Variants in DDAH1 observed in about 807,000 individuals in gnomAD.
DDAH1 encodes N(G),N(G)-dimethylarginine dimethylaminohydrolase 1.
Under a neutral mutation model 28.8 loss-of-function variants are expected in DDAH1, and 19 were observed. That is an observed-to-expected ratio of 0.66 (90% CI 0.46 to 0.97). The LOEUF is 0.97. DDAH1 is among the 50% of genes least tolerant of loss of function. DDAH1 has a pLI of 0.00. For synonymous variants in DDAH1, 153 were observed against 154.4 expected, an observed-to-expected ratio of 0.99 and a Z score of 0.07; for missense variants, 326 against 375.9, an observed-to-expected ratio of 0.87 and a Z score of 1.10.
intron 1 of DDAH1, among the ~76,000 whole-genome samples, chr1:85,402,500 A>G (rs1652160880): frequency 6.6e-6 from 1 of 152,206 alleles, no homozygotes; most frequent in African/African-American, 2.4e-5. Context: ...CTCAGATTTG[A>G]TATTTTCTTC....
chr1:85,457,669 A>C (rs1366817566), intron 1 of DDAH1, among the ~76,000 whole-genome samples: 2 of 152,186 alleles, frequency 1.3e-5, no homozygotes, highest in Admixed American at 6.5e-5. Context: ...AATATTTCTT[A>C]AGCAAAATAA....
intron 1 of DDAH1, among the ~76,000 whole-genome samples, chr1:85,420,021 A>C (rs971615040): frequency 6.6e-6 from 1 of 152,158 alleles, no homozygotes. Context: ...GCAAACTATC[A>C]ACCCTCTGGA....
chr1:85,557,372 A>G (rs141044807), intron 1 of DDAH1, among the ~76,000 whole-genome samples: 2,434 of 152,346 alleles, frequency 0.016, 32 homozygotes, highest in Admixed American at 0.034. Flanking sequence ...CATCAATTAA[A>G]TAATTGAATG....
intron 1 of DDAH1, among the ~76,000 whole-genome samples, chr1:85,566,491 C>CAA (rs200302503): frequency 0.026 from 2,187 of 84,658 alleles, 56 homozygotes; most frequent in African/African-American, 0.08. Flanking sequence ...GACCCCATCT[C>CAA]AAAAAAAAAA....
At chr1:85,510,237 T>A (rs1265070620) in intron 1 of DDAH1, among the ~76,000 whole-genome samples, 1 of 152,112 alleles carries the variant, frequency 6.6e-6, no homozygotes, top group Non-Finnish European at 1.5e-5. Flanking sequence ...GAATTTCACA[T>A]CCAGTCAAAC....
chr1:85,396,008 C>T (rs765666230), intron 1 of DDAH1, among the ~76,000 whole-genome samples: 2 of 152,114 alleles, frequency 1.3e-5, no homozygotes, highest in Non-Finnish European at 2.9e-5. Context: ...TCATTAATTA[C>T]TTAGGAAAAC....
At chr1:85,567,712 A>C (rs1014123181) in intron 1 of DDAH1, among the ~76,000 whole-genome samples, 9 of 152,244 alleles carry the variant, frequency 5.9e-5, no homozygotes, top group Non-Finnish European at 4.4e-5. Flanking sequence ...CTAACAACAG[A>C]AGTTCAAAAT....
chr1:85,516,971 C>T (rs1300886086), intron 1 of DDAH1, among the ~76,000 whole-genome samples: 1 of 152,000 alleles, frequency 6.6e-6, no homozygotes, highest in African/African-American at 2.4e-5. Flanking sequence ...GCCAAACAAG[C>T]CTGTGTTTGC....
intron 1 of DDAH1, among the ~76,000 whole-genome samples, chr1:85,361,565 T>C (rs754254647): frequency 1.3e-5 from 2 of 152,220 alleles, no homozygotes; most frequent in Non-Finnish European, 2.9e-5. Flanking sequence ...AACAACCTAC[T>C]TAATTTAAGC....
At chr1:85,530,934 T>C (rs1320094749) in intron 1 of DDAH1, among the ~76,000 whole-genome samples, 3 of 141,626 alleles carry the variant, frequency 2.1e-5, no homozygotes, top group African/African-American at 8.1e-5. Context: ...GAGGTTGCAG[T>C]GAGCCGAGAT....
intron 1 of DDAH1, among the ~76,000 whole-genome samples, chr1:85,404,016 T>G (rs1270234887): frequency 1.3e-5 from 2 of 152,202 alleles, no homozygotes; most frequent in African/African-American, 4.8e-5. Context: ...TTTCTATATC[T>G]TAAATCACAA....
At chr1:85,404,686 G>T (rs770050698) in intron 1 of DDAH1, among the ~76,000 whole-genome samples, 1 of 152,134 alleles carries the variant, frequency 6.6e-6, no homozygotes, top group Non-Finnish European at 1.5e-5. Flanking sequence ...TCCGTTCTTG[G>T]TGTTTTATAA....
intron 1 of DDAH1, among the ~76,000 whole-genome samples, chr1:85,569,821 A>G (rs1352965553): frequency 6.6e-6 from 1 of 152,222 alleles, no homozygotes; most frequent in Non-Finnish European, 1.5e-5. Flanking sequence ...ATAACAAGAA[A>G]TGAATCCACG....
intron 4 of DDAH1, 68 bp from the exon 5 acceptor site, chr1:85,324,951 T>G: frequency 1.3e-6 from 2 of 1,572,458 alleles, no homozygotes; most frequent in South Asian, 2.3e-5. Context: ...AGGAAGGCAG[T>G]GTGGTAGGAT....
At chr1:85,551,054 C>T (rs1226656239) in intron 1 of DDAH1, among the ~76,000 whole-genome samples, 2 of 152,226 alleles carry the variant, frequency 1.3e-5, no homozygotes, top group African/African-American at 4.8e-5. Flanking sequence ...CTATTATCCA[C>T]ACAATGTCAG....
chr1:85,521,442 G>T (rs566872318), intron 1 of DDAH1, among the ~76,000 whole-genome samples: 2 of 151,330 alleles, frequency 1.3e-5, no homozygotes, highest in African/African-American at 4.9e-5. Flanking sequence ...CCATACAGCC[G>T]CCAGTGTGAA....
At chr1:85,343,489 TA>T (rs142086945) in intron 4 of DDAH1, among the ~76,000 whole-genome samples, 5,116 of 152,238 alleles carry the variant, frequency 0.034, 292 homozygotes, top group African/African-American at 0.12. Context: ...ATGGCAGATT[TA>T]AAAAAATCAT....
At chr1:85,410,525 G>A (rs1002143890) in intron 1 of DDAH1, among the ~76,000 whole-genome samples, 5 of 151,716 alleles carry the variant, frequency 3.3e-5, no homozygotes, top group African/African-American at 1.2e-4. Context: ...TGTAATCCCA[G>A]CTATTCAGGA....
intron 1 of DDAH1, among the ~76,000 whole-genome samples, chr1:85,444,109 G>C (rs1654327615): frequency 2.6e-5 from 4 of 152,186 alleles, no homozygotes; most frequent in African/African-American, 9.7e-5. Context: ...CAAAGGAAAT[G>C]CTTCCAGTTT....
Sources: gnomAD v4.1 joint callset for allele counts (sites outside exome capture counted in the v4.1 genomes callset) on GRCh38, gnomAD v4.1.1 for gene constraint, MANE v1.5 for transcripts, NCBI Gene and HGNC (gene_info 2026-07-23, HGNC 2026-07-21) for gene names.